SLC66A2: variants seen among roughly 807,000 people sequenced by gnomAD.
SLC66A2 encodes the protein solute carrier family 66 member 2, also known as PQ loop repeat containing 1.
Under a neutral mutation model 25.5 loss-of-function variants are expected in SLC66A2, and 23 were observed. The observed-to-expected ratio is 0.90, with a 90% CI of 0.65 to 1.28. The LOEUF (loss-of-function observed/expected upper bound fraction) is 1.28. Among genes scored for constraint, SLC66A2 ranks in the 50% most tolerant of loss-of-function variants. The probability of loss-of-function intolerance (pLI) is 0.00; values close to 1 mark genes in which losing one functional copy is unlikely to be tolerated. For synonymous variants in SLC66A2, 193 were observed against 166.5 expected (o/e 1.16, Z -1.23); for missense variants, 396 against 373.1 (o/e 1.06, Z -0.51).
intron 5 of SLC66A2, among the ~76,000 whole-genome samples, chr18:79,910,669 G>A (rs1982977016): frequency 6.6e-6 from 1 of 152,208 alleles, no homozygotes; most frequent in African/African-American, 2.4e-5. Flanking sequence ...CTATATAAAG[G>A]ACCAAAGACA....
chr18:79,931,263 G>A, intron 4 of SLC66A2, among the ~76,000 whole-genome samples: 1 of 151,862 alleles, frequency 6.6e-6, no homozygotes, highest in African/African-American at 2.4e-5. Context: ...CAAATCAAAG[G>A]GCAGAATTGC....
chr18:79,947,003 TTTGTATCTACTCTTAGGCACC>T (rs2050947285), intron 2 of SLC66A2, among the ~76,000 whole-genome samples: 1 of 152,132 alleles, frequency 6.6e-6, no homozygotes, highest in African/African-American at 2.4e-5. Context: ...GCTTTGTAGC[TTTGTATCTACTCTTAGGCACC>T]ACTAAAGCTA....
intron 4 of SLC66A2, among the ~76,000 whole-genome samples, chr18:79,933,683 C>G (rs1260900726): frequency 2.4e-4 from 36 of 152,190 alleles, no homozygotes; most frequent in Admixed American, 2.4e-3. Flanking sequence ...TTAACAAAGT[C>G]CAAAATTTGT....
chr18:79,945,170 T>C (rs2050886443), intron 2 of SLC66A2: 1 of 152,362 alleles, frequency 6.6e-6, no homozygotes, highest in South Asian at 2.1e-4. Flanking sequence ...ACAGACGTTC[T>C]CCTGGGAGGA....
chr18:79,950,665 C>T, intron 2 of SLC66A2, 59 bp downstream of exon 2: 1 of 1,579,864 alleles, frequency 6.3e-7, no homozygotes, highest in Middle Eastern at 1.7e-4. Context: ...CAACCAGAAA[C>T]CCCAAAGGAG....
intron 5 of SLC66A2, among the ~76,000 whole-genome samples, chr18:79,914,486 C>T (rs1385676409): frequency 6.6e-6 from 1 of 152,172 alleles, no homozygotes; most frequent in Non-Finnish European, 1.5e-5. Flanking sequence ...GGGGGTCACT[C>T]CAGCCCACCC....
rs1189151093 is a variant in SLC66A2 at position 79,937,457 on chromosome 18, C to A, written c.338-3435G>T. On this transcript the variant is annotated intron_variant, in intron 3 of 5. Transcript: ENST00000397778. The surrounding 1 kb of genome is among the most constrained non-coding windows in gnomAD (Gnocchi z 5.4). ...ACTCAGAAACATGCACTCATCATTG[C>A]AAGATGCTAGGGAACCAACTTTGAA... Among the ~76,000 whole-genome samples the A allele has an allele frequency of 6.6e-6, 1 of 152,186 alleles. No homozygotes were observed. The highest frequency in any genetic ancestry group is 2.4e-5 in the African/African-American group (1 of 41,444).
intron 2 of SLC66A2, among the ~76,000 whole-genome samples, chr18:79,944,866 C>A: frequency 6.8e-6 from 1 of 147,422 alleles, no homozygotes. Context: ...GGGAACCCCG[C>A]AGCCCCCTCA....
rs567337824 is a variant in SLC66A2 at position 79,903,781 on chromosome 18, C to T, written c.*195G>A. On this transcript the variant is annotated 3_prime_UTR_variant, in exon 6 of 6. Coordinates refer to ENST00000397778, the MANE Select transcript of SLC66A2 (RefSeq NM_025078.5). ...GCCAGATCAACCCTGGCTGTCCCCG[C>T]TGAGCACAAACAGCGTCCCAGCCCC... 33 of 560,856 alleles carry T rather than the reference C, an allele frequency of 5.9e-5. 1 individual carries two copies. In the South Asian group the frequency reaches 8.1e-4, roughly 14 times the overall value. 34.7% of individuals were successfully genotyped at this position (560,856 alleles called of 1,614,324 possible).
Position 79,912,515 on chromosome 18 carries a change from GCCAGGCCACGTGTCA to G in SLC66A2, c.608+6654_608+6668del, listed in dbSNP as rs562280644. 1.7e-3 allele frequency among the ~76,000 whole-genome samples: 252 copies of G among 151,542 alleles called. 2 individuals are homozygous for G. Among genetic ancestry groups the G allele is most frequent in the Middle Eastern group, 0.01 (3 of 292 alleles). On this transcript the variant is annotated intron_variant, in intron 5 of 5. Transcript: ENST00000397778. ...GTCACATATCGCCAGGCCACGTGTC[GCCAGGCCACGTGTCA>G]CCAGGCCACGTGTCATCAGGCACCA...
At position 79,903,912 on chromosome 18, in the gene SLC66A2, G is replaced by A. The variant is rs1442938970; in HGVS notation, c.*64C>T. 1.7e-5 allele frequency: 25 copies of A among 1,446,558 alleles called. No homozygotes were observed. The highest frequency in any genetic ancestry group is 4.8e-4 in the Middle Eastern group (2 of 4,132). The allele number at this position is 1,446,558 out of a possible 1,614,324, so 89.6% of individuals were successfully genotyped here. On this transcript the variant is annotated 3_prime_UTR_variant, in exon 6 of 6. Coordinates refer to ENST00000397778, the MANE Select transcript of SLC66A2 (RefSeq NM_025078.5). Reference sequence around the variant, plus strand: ...AGGGGCCACAGCACCCACCCTCCCCGCGGGGAGGTCAGGGCCCACCAGTGC... The same window carrying A: ...AGGGGCCACAGCACCCACCCTCCCCACGGGGAGGTCAGGGCCCACCAGTGC...
intron 3 of SLC66A2, among the ~76,000 whole-genome samples, chr18:79,934,627 A>G (rs1476551285): frequency 6.6e-6 from 1 of 152,196 alleles, no homozygotes; most frequent in South Asian, 2.1e-4. Flanking sequence ...GTTATAAGTC[A>G]ACCTTCCTAT....
intron 4 of SLC66A2, among the ~76,000 whole-genome samples, chr18:79,931,848 T>C (rs1986603033): frequency 6.6e-6 from 1 of 151,876 alleles, no homozygotes; most frequent in African/African-American, 2.4e-5. Flanking sequence ...ACCCTGTCTC[T>C]ACAAAAAATA....
At chr18:79,916,167 A>ATG (rs1568302115) in intron 5 of SLC66A2, among the ~76,000 whole-genome samples, 16 of 33,080 alleles carry the variant, frequency 4.8e-4, no homozygotes, top group Non-Finnish European at 1.1e-3. Flanking sequence ...TCGTACCCGC[A>ATG]GTGCTCCCGT....
intron 4 of SLC66A2, among the ~76,000 whole-genome samples, chr18:79,929,801 G>C (rs1174585854): frequency 1.3e-5 from 2 of 152,052 alleles, no homozygotes; most frequent in South Asian, 2.1e-4. Flanking sequence ...GCATTGCAAA[G>C]CACAACTAAA....
chr18:79,939,842 A>G (rs564413333), intron 3 of SLC66A2, among the ~76,000 whole-genome samples: 1 of 152,350 alleles, frequency 6.6e-6, no homozygotes, highest in East Asian at 1.9e-4. Flanking sequence ...CAGAAATACC[A>G]TTCAACCCAA....
chr18:79,918,162 C>A lies in SLC66A2; in HGVS notation c.608+1022G>T, dbSNP rs1185566221. ...CTCACACCTCTGCCCACACGCCAAA[C>A]CTGCAAATACTCAGAGGTCTCTGAA... is the stretch of plus-strand genomic sequence containing the variant. On this transcript the variant is annotated intron_variant, in intron 5 of 5. Coordinates refer to ENST00000397778, the MANE Select transcript of SLC66A2 (RefSeq NM_025078.5). This position sits in a 1 kb window ranked among gnomAD's most constrained non-coding sequence, Gnocchi z 4.0. Among the ~76,000 whole-genome samples the A allele has an allele frequency of 6.6e-6, 1 of 152,200 alleles. No individual in the cohort carries two copies. The highest frequency in any genetic ancestry group is 1.5e-5 in the Non-Finnish European group (1 of 68,030).
At chr18:79,913,035 C>T (rs1983469116) in intron 5 of SLC66A2, among the ~76,000 whole-genome samples, 2 of 152,194 alleles carry the variant, frequency 1.3e-5, no homozygotes, top group South Asian at 4.1e-4. Flanking sequence ...TGGGTAAGAG[C>T]TCGGCTTCTG....
Position 79,904,719 on chromosome 18 carries a change from C to G in SLC66A2, c.609-536G>C, listed in dbSNP as rs572807048. ...CGGCCTCCCTCCCTGGTGATAGATG[C>G]AAACCTTCCTTTCCTGGAGTGAACA... On this transcript the variant is annotated intron_variant, in intron 5 of 5. Transcript: ENST00000397778. This position sits in a 1 kb window ranked among gnomAD's most constrained non-coding sequence, Gnocchi z 6.3. Among the ~76,000 whole-genome samples the G allele has an allele frequency of 6.6e-5, 10 of 152,310 alleles. No individual in the cohort carries two copies. The East Asian group carries it at 1.9e-3, about 29-fold the overall frequency.
Sources: allele counts gnomAD v4.1 joint callset (sites outside exome capture counted in the v4.1 genomes callset), GRCh38; gene constraint gnomAD v4.1.1; non-coding constraint Gnocchi (gnomAD v3.1); transcripts MANE v1.5; gene names NCBI Gene and HGNC (gene_info 2026-07-23, HGNC 2026-07-21).